The following TUBA4B variants were observed in gnomAD, a reference collection of about 807,000 sequenced individuals.
The protein encoded by TUBA4B is tubulin alpha 4b.
Under a neutral mutation model 18.4 loss-of-function variants are expected in TUBA4B, and 13 were observed. That is an observed-to-expected ratio of 0.71 (90% CI 0.46 to 1.12). The LOEUF (loss-of-function observed/expected upper bound fraction) is 1.12. Ranked by LOEUF, TUBA4B falls within the 50% of genes most tolerant of loss-of-function variation. The pLI is 0.00. For missense variants in TUBA4B, 244 were observed against 250.0 expected (o/e 0.98, Z 0.16); for synonymous variants, 101 against 99.1 (o/e 1.02, Z -0.11).
In TUBA4B at chr2:219,271,948, C is replaced by A; in HGVS notation, c.*249C>A. The A allele has an allele frequency of 6.6e-7, 1 of 1,508,228 alleles. No individual in the cohort carries two copies. The highest frequency in any genetic ancestry group is 9.2e-7 in the Non-Finnish European group (1 of 1,084,032). 93.4% of individuals were successfully genotyped at this position (1,508,228 alleles called of 1,614,324 possible). ...AGCAACATGACAGCCATCACTATGGCCTGGGCCCGCCTGGACCACAAGTTT... is the reference window on the plus strand; with the variant it reads ...AGCAACATGACAGCCATCACTATGGACTGGGCCCGCCTGGACCACAAGTTT... On this transcript the variant is annotated 3_prime_UTR_variant, in exon 4 of 4. Transcript: ENST00000490341.
chr2:219,257,755 TGTG>T, intron 1 of TUBA4B, among the ~76,000 whole-genome samples: 1 of 150,786 alleles, frequency 6.6e-6, no homozygotes, highest in Middle Eastern at 3.5e-3. Flanking sequence ...AGGCAGAAGT[TGTG>T]GTGAGCCAAG....
intron 1 of TUBA4B, among the ~76,000 whole-genome samples, chr2:219,255,466 T>TAGATGATCC (rs1234367039): frequency 3.9e-5 from 6 of 152,110 alleles, no homozygotes; most frequent in Non-Finnish European, 8.8e-5. Flanking sequence ...CTCCTGACCT[T>TAGATGATCC]AGATGATCCA....
intron 2 of TUBA4B, 35 bp downstream of exon 2, chr2:219,266,601 C>T (rs1246187015): frequency 4.3e-6 from 3 of 702,156 alleles, no homozygotes; most frequent in Non-Finnish European, 7.8e-6. Flanking sequence ...ACTGAGCATG[C>T]AAGTGAGGGT....
chr2:219,269,507 T>C (rs1951812054), intron 2 of TUBA4B, among the ~76,000 whole-genome samples: 1 of 151,938 alleles, frequency 6.6e-6, no homozygotes, highest in Admixed American at 6.6e-5. Flanking sequence ...GCAAGCAGAG[T>C]AGAGTCCAGG....
intron 1 of TUBA4B, 39 bp from the exon 2 acceptor site, chr2:219,266,482 A>G (rs1364120716): frequency 1.7e-5 from 12 of 697,880 alleles, no homozygotes; most frequent in Non-Finnish European, 2.9e-5. Context: ...TGGCCGCTGC[A>G]GGCCTCTCAC....
At chr2:219,268,926 C>T (rs1036510509) in intron 2 of TUBA4B, among the ~76,000 whole-genome samples, 1 of 152,116 alleles carries the variant, frequency 6.6e-6, no homozygotes, top group African/African-American at 2.4e-5. Flanking sequence ...CGAGACCTGT[C>T]TCTACAAAAA....
intron 1 of TUBA4B, among the ~76,000 whole-genome samples, chr2:219,260,712 G>A (rs959456461): frequency 7.2e-5 from 11 of 152,162 alleles, no homozygotes; most frequent in Non-Finnish European, 1.5e-5. Context: ...GGTGGCTCAC[G>A]CCTGTAATCC....
chr2:219,257,043 CTTTTTTT>C (rs368841707), intron 1 of TUBA4B, among the ~76,000 whole-genome samples: 1 of 107,588 alleles, frequency 9.3e-6, no homozygotes, highest in East Asian at 2.9e-4. Context: ...CCCATTTTGG[CTTTTTTT>C]TTTTTTTTTT....
chr2:219,253,449 C>A, intron 1 of TUBA4B, 30 bp downstream of exon 1: 1 of 1,468,718 alleles, frequency 6.8e-7, no homozygotes, highest in Non-Finnish European at 9.2e-7. Flanking sequence ...CTTCTAGCGC[C>A]AAGCACGTGC....
In TUBA4B at chr2:219,271,256, T is replaced by C. The variant is rs564536033; in HGVS notation, c.283T>C (p.Trp95Arg). The C allele has an allele frequency of 1.1e-5, 15 of 1,379,902 alleles. No homozygotes were observed. The highest frequency in any genetic ancestry group is 2.3e-5 in the South Asian group (2 of 86,334). 85.5% of individuals were successfully genotyped at this position (1,379,902 alleles called of 1,614,324 possible). ...TGACGTCACCTCATTCCTGATGGAGTGGCTTTCTGTTAACTATGGCAAGAA... is the reference window on the plus strand; with the variant it reads ...TGACGTCACCTCATTCCTGATGGAGCGGCTTTCTGTTAACTATGGCAAGAA... The part of the protein sequence containing the change: ...GSDVTSFLME[W>R]LSVNYGKKSK... Residue 95 changes from tryptophan to arginine, a missense_variant, in exon 4 of 4, where the codon TGG (tryptophan) becomes CGG (arginine). Coordinates refer to ENST00000490341, the MANE Select transcript of TUBA4B (RefSeq NM_001355221.1).
rs745687083 is a variant in TUBA4B, at chr2:219,270,275, G to T, written c.132G>T (p.Trp44Cys). 14 of 768,088 alleles carry T rather than the reference G, an allele frequency of 1.8e-5. No homozygotes were observed. The highest frequency in any genetic ancestry group is 2.7e-5 in the Non-Finnish European group (11 of 413,650). 47.6% of individuals were successfully genotyped at this position (768,088 alleles called of 1,614,324 possible). ...AAGATGCTGCCAATAACTATGCCTG[G>T]GGCCACTACACCATTGGGAAGGAGT... Reference protein sequence around the residue: ...GKEDAANNYAWGHYTIGKEFI... With the variant: ...GKEDAANNYACGHYTIGKEFI... The change falls in exon 3 of 4, where the codon TGG becomes TGT. Residue 44 changes from tryptophan (W) to cysteine (C), a missense_variant. Coordinates refer to ENST00000490341, the MANE Select transcript of TUBA4B (RefSeq NM_001355221.1).
chr2:219,269,347 G>T (rs909358807), intron 2 of TUBA4B, among the ~76,000 whole-genome samples: 6 of 152,160 alleles, frequency 3.9e-5, no homozygotes, highest in African/African-American at 7.2e-5. Flanking sequence ...TTCCTTCAAT[G>T]TTGCTCATTG....
In TUBA4B at chr2:219,257,043, C is replaced by CTTTTT. The variant is rs368841707; in HGVS notation, c.12+3640_12+3644dup. 2.5e-4 allele frequency among the ~76,000 whole-genome samples: 27 copies of CTTTTT among 107,550 alleles called. 1 individual carries two copies. The highest frequency in any genetic ancestry group is 8.6e-4 in the East Asian group (3 of 3,492). 70.6% of individuals were successfully genotyped at this position (107,550 alleles called of 152,430 possible). ...TTCAGTTCTGTAAGACCCATTTTGG[C>CTTTTT]TTTTTTTTTTTTTTTTTTTTAAGAT... On this transcript the variant is annotated intron_variant, in intron 1 of 3. Transcript: ENST00000490341.
At chr2:219,257,340 C>CT (rs768367065) in intron 1 of TUBA4B, among the ~76,000 whole-genome samples, 6,300 of 92,526 alleles carry the variant, frequency 0.068, 417 homozygotes, top group South Asian at 0.13. Flanking sequence ...TGCGCCCAGC[C>CT]TTTTTTTTTT....
At chr2:219,270,731 T>C (rs1417879323) in intron 3 of TUBA4B, among the ~76,000 whole-genome samples, 1 of 147,542 alleles carries the variant, frequency 6.8e-6, no homozygotes, top group Non-Finnish European at 1.5e-5. Context: ...CTTTGGCTTC[T>C]ACGAAGGATG....
intron 1 of TUBA4B, 120 bp downstream of exon 1, chr2:219,253,539 G>A: frequency 1.1e-6 from 1 of 875,570 alleles, no homozygotes; most frequent in South Asian, 1.4e-5. Context: ...GAAAGGACGG[G>A]GCGCGGGCCC....
intron 1 of TUBA4B, among the ~76,000 whole-genome samples, chr2:219,263,851 G>A (rs763600028): frequency 6.6e-6 from 1 of 152,210 alleles, no homozygotes; most frequent in Admixed American, 6.5e-5. Flanking sequence ...CAGGGTCTCT[G>A]AAAAAGTCCC....
chr2:219,269,094 G>A (rs1028500985), intron 2 of TUBA4B, among the ~76,000 whole-genome samples: 1 of 152,136 alleles, frequency 6.6e-6, no homozygotes, highest in Non-Finnish European at 1.5e-5. Context: ...GTGAGATTCT[G>A]TCTCAAGAAA....
chr2:219,264,541 G>A (rs1009985425), intron 1 of TUBA4B, among the ~76,000 whole-genome samples: 2 of 152,088 alleles, frequency 1.3e-5, no homozygotes, highest in Non-Finnish European at 1.5e-5. Context: ...GCTCTTGAGC[G>A]GTGGGGCTGT....
Sources: allele counts gnomAD v4.1 joint callset (sites outside exome capture counted in the v4.1 genomes callset), GRCh38; gene constraint gnomAD v4.1.1; transcripts MANE v1.5; gene names NCBI Gene and HGNC (gene_info 2026-07-23, HGNC 2026-07-21).